The following CNTRL variants were observed in gnomAD, a reference collection of about 807,000 sequenced individuals.
CNTRL encodes the protein centriolin.
In CNTRL, 233 loss-of-function variants were observed where a neutral mutation model predicts 303.7. That is an observed-to-expected ratio of 0.77 (90% CI 0.69 to 0.86). The LOEUF (loss-of-function observed/expected upper bound fraction) is 0.86, where lower values mean the gene tolerates loss of function less well. CNTRL is among the 40% of genes least tolerant of loss of function. The pLI, the probability that CNTRL is intolerant of heterozygous loss-of-function variation, is 0.00. For missense variants in CNTRL, 2,524 were observed against 2,650.6 expected (o/e 0.95, Z 1.05); for synonymous variants, 900 against 922.2 (o/e 0.98, Z 0.44).
chr9:121,175,867 AAT>A (rs1471051088), intron 43 of CNTRL, among the ~76,000 whole-genome samples: 2 of 152,230 alleles, frequency 1.3e-5, no homozygotes, highest in African/African-American at 2.4e-5. Flanking sequence ...CTGTGAGGCC[AAT>A]ATGAGTCCTA....
chr9:121,101,970 G>A (rs905443733), intron 7 of CNTRL, among the ~76,000 whole-genome samples: 2 of 152,158 alleles, frequency 1.3e-5, no homozygotes, highest in African/African-American at 2.4e-5. Context: ...TCTACCAGAG[G>A]TACAAAGAGG....
intron 16 of CNTRL, among the ~76,000 whole-genome samples, chr9:121,140,161 A>G (rs908977339): frequency 6.6e-6 from 1 of 152,170 alleles, no homozygotes; most frequent in Non-Finnish European, 1.5e-5. Flanking sequence ...CATCTCTCCG[A>G]GCATTGTATG....
intron 41 of CNTRL, 29 bp from the exon 42 acceptor site, chr9:121,173,646 A>G (rs968385375): frequency 6.2e-7 from 1 of 1,613,176 alleles, no homozygotes; most frequent in Admixed American, 1.7e-5. Context: ...CAGATGATTC[A>G]TGATATCTCT....
At position 121,123,926 on chromosome 9, in the gene CNTRL, T is replaced by G. The variant is rs1413723341; in HGVS notation, c.1651-5T>G. On this transcript the variant is annotated splice_polypyrimidine_tract_variant and splice_region_variant and intron_variant, in intron 12 of 43. Coordinates refer to ENST00000373855, the MANE Select transcript of CNTRL (RefSeq NM_007018.6). Reference sequence around the variant, plus strand: ...GAGTTTTGTTGATTTTTTTTTTTAATTCAGTCCCATATGAAGGCTCAAAAG... The same window carrying G: ...GAGTTTTGTTGATTTTTTTTTTTAAGTCAGTCCCATATGAAGGCTCAAAAG... The G allele has an allele frequency of 6.4e-7, 1 of 1,563,856 alleles. No homozygotes were observed. The highest frequency in any genetic ancestry group is 8.6e-7 in the Non-Finnish European group (1 of 1,161,562).
At chr9:121,117,060 TGA>T (rs1290862569) in intron 11 of CNTRL, among the ~76,000 whole-genome samples, 1 of 152,238 alleles carries the variant, frequency 6.6e-6, no homozygotes, top group African/African-American at 2.4e-5. Flanking sequence ...GTTATTTAAA[TGA>T]GTTAACATTA....
At chr9:121,160,794 T>C (rs1425521342) in intron 32 of CNTRL, among the ~76,000 whole-genome samples, 1 of 152,136 alleles carries the variant, frequency 6.6e-6, no homozygotes, top group Non-Finnish European at 1.5e-5. Flanking sequence ...ACCTGGGCAA[T>C]GTATGAGACC....
chr9:121,109,603 A>G (rs1051270470), intron 8 of CNTRL, among the ~76,000 whole-genome samples: 1 of 152,050 alleles, frequency 6.6e-6, no homozygotes, highest in Non-Finnish European at 1.5e-5. Flanking sequence ...GTCTATATAT[A>G]CCTTATGCAT....
In CNTRL at chr9:121,113,742, T is replaced by G. The variant is rs751131421; in HGVS notation, c.1345+18T>G. On this transcript the variant is annotated intron_variant, in intron 10 of 43. Coordinates refer to ENST00000373855, the MANE Select transcript of CNTRL (RefSeq NM_007018.6). ...AAGTGCAGGTTAAAAAAAGTTATTT[T>G]AAATTCTTTAAAAAAAAATATGAAA... is the stretch of plus-strand genomic sequence containing the variant. The G allele has an allele frequency of 6.9e-7, 1 of 1,443,164 alleles. No individual in the cohort carries two copies. Among genetic ancestry groups the G allele is most frequent in the South Asian group, 1.5e-5 (1 of 67,970 alleles). The allele number at this position is 1,443,164 out of a possible 1,614,324, so 89.4% of individuals were successfully genotyped here.
At chr9:121,123,044 A>T (rs550740883) in intron 12 of CNTRL, among the ~76,000 whole-genome samples, 45 of 152,300 alleles carry the variant, frequency 3.0e-4, no homozygotes, top group African/African-American at 1.1e-3. Context: ...TATCTATTTC[A>T]TACCTCTATT....
At chr9:121,112,608 A>C (rs374229257) in intron 9 of CNTRL, 30 bp downstream of exon 9, 46 of 1,607,418 alleles carry the variant, frequency 2.9e-5, no homozygotes, top group African/African-American at 1.9e-4. Flanking sequence ...TAGTAATCCA[A>C]AGTTAAAGCC....
intron 1 of CNTRL, among the ~76,000 whole-genome samples, chr9:121,075,722 T>C (rs1448179229): frequency 6.6e-6 from 1 of 152,204 alleles, no homozygotes; most frequent in East Asian, 1.9e-4. Context: ...CGAATCATTT[T>C]TGGGTGTTCA....
intron 7 of CNTRL, among the ~76,000 whole-genome samples, chr9:121,100,670 A>G (rs2049116082): frequency 3.3e-5 from 5 of 152,252 alleles, no homozygotes. Context: ...GACCCATCTC[A>G]TGTGCAGAGA....
At chr9:121,095,070 G>C in intron 5 of CNTRL, 52 bp downstream of exon 5, 1 of 1,410,416 alleles carries the variant, frequency 7.1e-7, no homozygotes, top group Non-Finnish European at 9.7e-7. Flanking sequence ...CTTTGTTAGA[G>C]AGGTAGATTA....
chr9:121,157,663 G>A, intron 28 of CNTRL, 63 bp downstream of exon 28: 1 of 1,605,196 alleles, frequency 6.2e-7, no homozygotes, highest in African/African-American at 1.3e-5. Context: ...TGCTTCTAAG[G>A]GGATAATAAT....
chr9:121,151,309 A>ACTG (rs1015523939), intron 25 of CNTRL, among the ~76,000 whole-genome samples: 7 of 149,998 alleles, frequency 4.7e-5, no homozygotes, highest in Admixed American at 4.0e-4. Flanking sequence ...GTAAATTCTT[A>ACTG]CTGTATCTCT....
chr9:121,078,726 GTTTGATTA>G (rs113969371), intron 1 of CNTRL, among the ~76,000 whole-genome samples: 14 of 152,318 alleles, frequency 9.2e-5, no homozygotes, highest in African/African-American at 3.4e-4. Flanking sequence ...CCCTCCTTGG[GTTTGATTA>G]ATTTGCTAGA....
At chr9:121,091,079 A>G (rs4836839) in intron 4 of CNTRL, among the ~76,000 whole-genome samples, 91,857 of 152,022 alleles carry the variant, frequency 0.6, 29,642 homozygotes, top group South Asian at 0.89. Context: ...CCATGATTCA[A>G]TTATCTCCCA....
Position 121,124,059 on chromosome 9 carries a change from G to T in CNTRL, c.1779G>T (p.Lys593Asn), listed in dbSNP as rs765493254. 2 of 1,609,422 alleles carry T rather than the reference G, an allele frequency of 1.2e-6. No individual in the cohort carries two copies. Among genetic ancestry groups the T allele is most frequent in the East Asian group, 4.5e-5 (2 of 44,752 alleles). The stretch of plus-strand genomic sequence containing the variant: ...TTGCTAAGGAAACGGAAGAGATTAA[G>T]GACCTTGAAGAACAGCTTACTGAAG... Reference protein sequence around the residue: ...SRIAKETEEIKDLEEQLTEGQ... With the variant: ...SRIAKETEEINDLEEQLTEGQ... The change falls in exon 13 of 44, where the codon AAG becomes AAT. Residue 593 changes from lysine to asparagine, a missense_variant. Physicochemically the swap from Lys to Asn is moderately conservative, Grantham distance 94. Transcript: ENST00000373855.
chr9:121,127,382 A>G lies in CNTRL; in HGVS notation c.2025+1446A>G, dbSNP rs2050588244. ...AGTATGTCCATCCTTCATTAAGTTC[A>G]GTAGATATTGTCAAATTACTTTTCA... is the stretch of plus-strand genomic sequence containing the variant. On this transcript the variant is annotated intron_variant, in intron 14 of 43. Transcript: ENST00000373855. Among the ~76,000 whole-genome samples the G allele has an allele frequency of 2.0e-5, 3 of 152,166 alleles. No individual in the cohort carries two copies. In the South Asian group the frequency reaches 6.2e-4, roughly 32 times the overall value.
Sources: allele counts gnomAD v4.1 joint callset (sites outside exome capture counted in the v4.1 genomes callset), GRCh38; gene constraint gnomAD v4.1.1; transcripts MANE v1.5; gene names NCBI Gene and HGNC (gene_info 2026-07-23, HGNC 2026-07-21).